The following SPG21 variants were observed in gnomAD, a reference collection of about 807,000 sequenced individuals.
SPG21 encodes maspardin.
A neutral mutation model predicts 38.9 loss-of-function variants in SPG21; 26 were observed. The observed-to-expected ratio is 0.67, with a 90% CI of 0.49 to 0.93. The LOEUF is 0.93. Among genes scored for constraint, SPG21 ranks in the 40% least tolerant of loss-of-function variants. The pLI, the probability that SPG21 is intolerant of heterozygous loss-of-function variation, is 0.00. For synonymous variants in SPG21, 136 were observed against 128.9 expected (o/e 1.05, Z -0.37); for missense variants, 333 against 376.5 (o/e 0.88, Z 0.96).
In SPG21 at chr15:64,963,685, T is replaced by C. The variant is rs371753104; in HGVS notation, c.862A>G (p.Met288Val). ...ACCTCAAGCTCCTCGGCACTGACCATTGATGGGTCAATGGCCGCGTATTTG... is the reference window on the plus strand; with the variant it reads ...ACCTCAAGCTCCTCGGCACTGACCACTGATGGGTCAATGGCCGCGTATTTG... Reference protein sequence around the residue: ...GTKYAAIDPSMVSAEELEVQK... With the variant: ...GTKYAAIDPSVVSAEELEVQK... The change falls in exon 9 of 9, where the codon ATG (methionine) becomes GTG (valine). Residue 288 changes from methionine to valine, a missense_variant. Physicochemically the swap from Met to Val is conservative, Grantham distance 21 (BLOSUM62 1). Transcript: ENST00000204566. 9.5e-5 allele frequency: 153 copies of C among 1,614,048 alleles called. No homozygotes were observed. Among genetic ancestry groups the C allele is most frequent in the Non-Finnish European group, 1.2e-4 (138 of 1,180,036 alleles).
intron 6 of SPG21, 119 bp from the exon 7 acceptor site, chr15:64,969,481 G>C: frequency 1.3e-6 from 1 of 757,764 alleles, no homozygotes; most frequent in East Asian, 2.6e-5. Flanking sequence ...GGCCAGAAAA[G>C]TCATCAGTGA....
chr15:64,963,514 C>G lies in SPG21; in HGVS notation c.*106G>C. On this transcript the variant is annotated 3_prime_UTR_variant, in exon 9 of 9. Coordinates refer to ENST00000204566, the MANE Select transcript of SPG21 (RefSeq NM_016630.7). ...CCTACTTCCCAGACACAGTGAGAAC[C>G]GGTGAGCCTGACGAACCTGAAGGAA... The G allele has an allele frequency of 2.3e-6, 2 of 859,866 alleles. No homozygotes were observed. The highest frequency in any genetic ancestry group is 3.5e-5 in the Admixed American group (2 of 57,208). 53.3% of individuals were successfully genotyped at this position (859,866 alleles called of 1,614,324 possible).
At chr15:64,975,983 T>A (rs2085764896) in intron 4 of SPG21, among the ~76,000 whole-genome samples, 1 of 152,140 alleles carries the variant, frequency 6.6e-6, no homozygotes, top group Non-Finnish European at 1.5e-5. Context: ...CTAATGAATA[T>A]GAGGTTTTTG....
chr15:64,969,491 A>G, intron 6 of SPG21, 129 bp from the exon 7 acceptor site: 1 of 713,242 alleles, frequency 1.4e-6, no homozygotes, highest in Non-Finnish European at 2.5e-6. Flanking sequence ...GTCATCAGTG[A>G]GGAACCACAA....
chr15:64,981,767 T>C (rs2085891146), intron 2 of SPG21: 3 of 152,224 alleles, frequency 2.0e-5, no homozygotes, highest in African/African-American at 7.2e-5. Context: ...CTATTATTAT[T>C]ATTCACGGCA....
At chr15:64,968,340 C>CAAAAAAAAAA (rs11305475) in intron 7 of SPG21, among the ~76,000 whole-genome samples, 8 of 109,608 alleles carry the variant, frequency 7.3e-5, no homozygotes, top group Admixed American at 1.1e-4. Flanking sequence ...ACCCTGTTTC[C>CAAAAAAAAAA]AAAAAAAAAA....
intron 7 of SPG21, among the ~76,000 whole-genome samples, chr15:64,967,409 C>T (rs2085561815): frequency 6.6e-6 from 1 of 151,954 alleles, no homozygotes; most frequent in African/African-American, 2.4e-5. Context: ...GTGATCCTCC[C>T]ACCTCAACCT....
intron 3 of SPG21, among the ~76,000 whole-genome samples, chr15:64,977,568 G>C (rs1481943119): frequency 6.6e-6 from 1 of 152,006 alleles, no homozygotes; most frequent in African/African-American, 2.4e-5. Flanking sequence ...GTTTTGCCAC[G>C]TTGCCCAGGC....
chr15:64,978,361 A>C (rs547560129), intron 3 of SPG21, among the ~76,000 whole-genome samples: 1 of 151,664 alleles, frequency 6.6e-6, no homozygotes, highest in South Asian at 2.1e-4. Flanking sequence ...AGGCATGAGA[A>C]TTGCTTGAGC....
chr15:64,971,800 C>T (rs1009428643), intron 5 of SPG21, among the ~76,000 whole-genome samples: 6 of 152,188 alleles, frequency 3.9e-5, no homozygotes, highest in African/African-American at 1.4e-4. Context: ...CACTGCACTC[C>T]AGCCTGGGCA....
At chr15:64,970,898 C>T (rs1428038783) in intron 5 of SPG21, among the ~76,000 whole-genome samples, 1 of 152,026 alleles carries the variant, frequency 6.6e-6, no homozygotes, top group African/African-American at 2.4e-5. Context: ...TGCCACCACG[C>T]CCGGCTAACT....
At position 64,963,302 on chromosome 15, in the gene SPG21, C is replaced by A; in HGVS notation, c.*318G>T. 1 of 259,974 alleles carries A rather than the reference C, an allele frequency of 3.8e-6. No individual in the cohort carries two copies. The highest frequency in any genetic ancestry group is 7.4e-6 in the Non-Finnish European group (1 of 135,758). The allele number at this position is 259,974 out of a possible 1,614,324, so 16.1% of individuals were successfully genotyped here. On this transcript the variant is annotated 3_prime_UTR_variant, in exon 9 of 9. Transcript: ENST00000204566. Reference sequence around the variant, plus strand: ...GAAGAAAAAAACCACCACAAAGTCCCAAACCTCAGAAATTAACATTCACTT... The same window carrying A: ...GAAGAAAAAAACCACCACAAAGTCCAAAACCTCAGAAATTAACATTCACTT...
At chr15:64,973,651 G>A (rs986552546) in intron 5 of SPG21, among the ~76,000 whole-genome samples, 40 of 152,214 alleles carry the variant, frequency 2.6e-4, no homozygotes, top group African/African-American at 8.7e-4. Context: ...GTTTCTCCAC[G>A]TTGGTCAGGC....
intron 1 of SPG21, among the ~76,000 whole-genome samples, chr15:64,985,938 G>A (rs2085984294): frequency 6.6e-6 from 1 of 152,184 alleles, no homozygotes; most frequent in South Asian, 2.1e-4. Flanking sequence ...GGTAATTTTA[G>A]AGAAGTGTGT....
intron 5 of SPG21, among the ~76,000 whole-genome samples, chr15:64,970,708 T>A (rs1260046245): frequency 6.6e-6 from 1 of 152,140 alleles, no homozygotes; most frequent in Non-Finnish European, 1.5e-5. Context: ...TCAAGGCAAA[T>A]TGATATTTAT....
intron 1 of SPG21, among the ~76,000 whole-genome samples, chr15:64,984,187 G>C (rs946186354): frequency 1.3e-5 from 2 of 152,298 alleles, no homozygotes; most frequent in Non-Finnish European, 2.9e-5. Flanking sequence ...ACATGGCAAT[G>C]CTAGGACCAG....
intron 7 of SPG21, 75 bp from the exon 8 acceptor site, chr15:64,965,535 T>C (rs2085524499): frequency 6.3e-7 from 1 of 1,591,470 alleles, no homozygotes; most frequent in African/African-American, 1.3e-5. Context: ...TGTAATCAAC[T>C]AGTGTTTTAA....
rs2085873540 is a variant in SPG21, at chr15:64,980,953, G to T, written c.136C>A (p.Leu46Ile). 6.2e-7 allele frequency: 1 copy of T among 1,614,126 alleles called. No individual in the cohort carries two copies. Among genetic ancestry groups the T allele is most frequent in the Non-Finnish European group, 8.5e-7 (1 of 1,180,032 alleles). ...CCACTGACAGGGGGCAGGAATATGA[G>T]AGGACACCTGATACTTCGGGGGCCC... is the stretch of plus-strand genomic sequence containing the variant. ...DAGPRSIRCP[L>I]IFLPPVSGTA... Residue 46 changes from leucine (L) to isoleucine (I), a missense_variant, in exon 3 of 9, where the codon CTC (leucine) becomes ATC (isoleucine). Transcript: ENST00000204566.
chr15:64,965,169 A>G, intron 8 of SPG21, 151 bp downstream of exon 8: 1 of 1,035,314 alleles, frequency 9.7e-7, no homozygotes, highest in Non-Finnish European at 1.5e-6. Flanking sequence ...CCTACAAGTT[A>G]TAAATGTAAA....
Sources: gnomAD v4.1 joint callset for allele counts (sites outside exome capture counted in the v4.1 genomes callset) on GRCh38, gnomAD v4.1.1 for gene constraint, MANE v1.5 for transcripts, NCBI Gene and HGNC (gene_info 2026-07-23, HGNC 2026-07-21) for gene names.